Variants in PKHD1 observed in about 807,000 individuals in gnomAD.
PKHD1 encodes the protein fibrocystin.
Under a neutral mutation model 412.0 loss-of-function variants are expected in PKHD1, and 291 were observed. The observed-to-expected ratio is 0.71, with a 90% CI of 0.64 to 0.78. PKHD1 has a LOEUF of 0.78. Ranked by LOEUF, PKHD1 falls within the 30% of genes least tolerant of loss-of-function variation. The pLI, the probability that PKHD1 is intolerant of heterozygous loss-of-function variation, is 0.00. For missense variants in PKHD1, 4,825 were observed against 4,950.7 expected (o/e 0.97, Z 0.76); for synonymous variants, 1,777 against 1,821.5 (o/e 0.98, Z 0.62).
In PKHD1 at chr6:52,053,058, A is replaced by G; in HGVS notation, c.2140+18T>C. 1.2e-6 allele frequency: 2 copies of G among 1,612,008 alleles called. No individual in the cohort carries two copies. Among genetic ancestry groups the G allele is most frequent in the East Asian group, 2.2e-5 (1 of 44,834 alleles). ...GGCATGTGACCGGCTTGTGGAGGAG[A>G]GAGAATTTGATGATTACCTGTTACG... On this transcript the variant is annotated intron_variant, in intron 21 of 66. Transcript: ENST00000371117.
Position 51,659,913 on chromosome 6 carries a change from A to G in PKHD1, c.10213T>C (p.Cys3405Arg), listed in dbSNP as rs748130167. The G allele has an allele frequency of 6.2e-7, 1 of 1,612,694 alleles. No homozygotes were observed. ...TYQFLMQGFI[C>R]KQTDQVVLIL... is the part of the protein sequence containing the mutation. ...AGGACCACTTGGTCAGTCTGTTTGCAGATGAATCCTTGCATCAGAAATTGG... is the reference window on the plus strand; with the variant it reads ...AGGACCACTTGGTCAGTCTGTTTGCGGATGAATCCTTGCATCAGAAATTGG... The change falls in exon 61 of 67, where the codon TGC (cysteine) becomes CGC (arginine). Residue 3405 changes from cysteine (C) to arginine (R), a missense_variant. Transcript: ENST00000371117.
intron 52 of PKHD1, among the ~76,000 whole-genome samples, chr6:51,804,729 A>G (rs1025821602): frequency 6.6e-6 from 1 of 152,176 alleles, no homozygotes; most frequent in African/African-American, 2.4e-5. Context: ...GAGTTGCTCC[A>G]GAGAAAGGAG....
At chr6:51,909,192 C>A in intron 40 of PKHD1, 91 bp downstream of exon 40, 1 of 1,007,894 alleles carries the variant, frequency 9.9e-7, no homozygotes, top group African/African-American at 1.6e-5. Context: ...TCCCTCAAAT[C>A]CCACATATCA....
At chr6:51,972,012 G>A (rs941134008) in intron 35 of PKHD1, among the ~76,000 whole-genome samples, 3 of 152,138 alleles carry the variant, frequency 2.0e-5, no homozygotes, top group African/African-American at 7.2e-5. Context: ...GATTACAGGT[G>A]TGAGCCAACC....
intron 50 of PKHD1, among the ~76,000 whole-genome samples, chr6:51,843,655 C>T (rs763560257): frequency 7.2e-5 from 11 of 152,210 alleles, no homozygotes; most frequent in South Asian, 2.1e-4. Flanking sequence ...TTCCCAAGCA[C>T]GGCATAGAAG....
intron 20 of PKHD1, 122 bp downstream of exon 20, chr6:52,053,916 C>G: frequency 1.0e-6 from 1 of 995,536 alleles, no homozygotes; most frequent in Non-Finnish European, 1.6e-6. Context: ...ATTCAAATCC[C>G]CAAATTAGTG....
At chr6:51,693,619 C>G (rs930445337) in intron 60 of PKHD1, among the ~76,000 whole-genome samples, 5 of 152,152 alleles carry the variant, frequency 3.3e-5, no homozygotes, top group Non-Finnish European at 5.9e-5. Context: ...GAAAACCCAT[C>G]CAGCCCAGCT....
At chr6:51,711,962 A>G (rs961355811) in intron 60 of PKHD1, among the ~76,000 whole-genome samples, 7 of 152,200 alleles carry the variant, frequency 4.6e-5, no homozygotes, top group Non-Finnish European at 1.0e-4. Context: ...TAGCCAAAAA[A>G]ATTGTACTAG....
intron 35 of PKHD1, among the ~76,000 whole-genome samples, chr6:51,982,182 A>G (rs1315189162): frequency 9.8e-3 from 255 of 25,924 alleles, no homozygotes; most frequent in South Asian, 0.013. Flanking sequence ...TCCGGGAGGG[A>G]GGTGGGGGGG....
chr6:51,663,710 A>G (rs1329935062), intron 60 of PKHD1, among the ~76,000 whole-genome samples: 1 of 152,176 alleles, frequency 6.6e-6, no homozygotes, highest in Non-Finnish European at 1.5e-5. Flanking sequence ...TCTATAGTAC[A>G]AATATATTTT....
chr6:52,057,043 G>T, intron 16 of PKHD1, 64 bp from the exon 17 acceptor site: 1 of 1,041,794 alleles, frequency 9.6e-7, no homozygotes, highest in Non-Finnish European at 1.5e-6. Flanking sequence ...GACAATCTAA[G>T]AACACAGGAC....
At chr6:51,938,582 C>T (rs1363937467) in intron 36 of PKHD1, among the ~76,000 whole-genome samples, 2 of 147,988 alleles carry the variant, frequency 1.4e-5, no homozygotes, top group Admixed American at 1.4e-4. Flanking sequence ...TATCTCCCTT[C>T]ACTGACTCTC....
intron 18 of PKHD1, 38 bp downstream of exon 18, chr6:52,056,660 G>GA: frequency 7.3e-7 from 1 of 1,360,592 alleles, no homozygotes; most frequent in Non-Finnish European, 1.1e-6. Context: ...AGAAGACCAT[G>GA]ATGAAAAAGA....
intron 60 of PKHD1, among the ~76,000 whole-genome samples, chr6:51,671,150 C>CT (rs1350449298): frequency 5.3e-5 from 8 of 152,152 alleles, no homozygotes; most frequent in Non-Finnish European, 8.8e-5. Flanking sequence ...TGTTTTCCAA[C>CT]TTGGTTCCAT....
chr6:51,830,828 T>C, intron 52 of PKHD1, 33 bp downstream of exon 52: 2 of 1,603,434 alleles, frequency 1.2e-6, no homozygotes, highest in South Asian at 1.1e-5. Flanking sequence ...GTTCAGCCTG[T>C]CTGTGATTCA....
In PKHD1 at chr6:51,776,046, A is replaced by G. The variant is rs755057880; in HGVS notation, c.8441-125T>C. On this transcript the variant is annotated intron_variant, in intron 53 of 66. Coordinates refer to ENST00000371117, the MANE Select transcript of PKHD1 (RefSeq NM_138694.4). ...TGAAGTAGACTATATGGAGGAGTCA[A>G]TGGTCATGCAGATGAAATAAGAGTA... The G allele has an allele frequency of 1.6e-4, 97 of 620,536 alleles. No individual in the cohort carries two copies. In the Middle Eastern group the frequency reaches 3.2e-3, roughly 20 times the overall value. 38.4% of individuals were successfully genotyped at this position (620,536 alleles called of 1,614,324 possible).
intron 52 of PKHD1, among the ~76,000 whole-genome samples, chr6:51,827,246 G>A (rs549308205): frequency 6.6e-6 from 1 of 152,200 alleles, no homozygotes; most frequent in African/African-American, 2.4e-5. Flanking sequence ...AATACCAGAG[G>A]CCAAGAGGGG....
At chr6:51,996,903 T>G (rs1797782048) in intron 35 of PKHD1, among the ~76,000 whole-genome samples, 1 of 152,236 alleles carries the variant, frequency 6.6e-6, no homozygotes, top group African/African-American at 2.4e-5. Context: ...CTTCCAGGCA[T>G]CACTGCTACC....
At chr6:51,771,144 T>C (rs1410401533) in intron 55 of PKHD1, among the ~76,000 whole-genome samples, 1 of 152,080 alleles carries the variant, frequency 6.6e-6, no homozygotes, top group Admixed American at 6.6e-5. Flanking sequence ...TAAATGTATG[T>C]ATATTAATAT....
Sources: allele counts gnomAD v4.1 joint callset (sites outside exome capture counted in the v4.1 genomes callset), GRCh38; gene constraint gnomAD v4.1.1; transcripts MANE v1.5; gene names NCBI Gene and HGNC (gene_info 2026-07-23, HGNC 2026-07-21).